Variants in VWDE observed in about 807,000 individuals in gnomAD.
The protein encoded by VWDE is von Willebrand factor D and EGF domain-containing protein.
VWDE carries 207 observed loss-of-function variants against 178.4 expected under a neutral mutation model. That is an observed-to-expected ratio of 1.16 (90% confidence interval 1.04 to 1.30). VWDE has a LOEUF of 1.30. VWDE is among the 50% of genes most tolerant of loss of function. The probability of loss-of-function intolerance (pLI) is 0.00; values close to 1 mark genes in which losing one functional copy is unlikely to be tolerated. For synonymous variants in VWDE, 738 were observed against 651.4 expected (o/e 1.13, Z -2.02); for missense variants, 2,287 against 1,901.3 (o/e 1.20, Z -3.77).
intron 19 of VWDE, among the ~76,000 whole-genome samples, chr7:12,347,737 T>A (rs1781685381): frequency 6.6e-6 from 1 of 152,084 alleles, no homozygotes; most frequent in South Asian, 2.1e-4. Flanking sequence ...AAAGTTCATA[T>A]GGAACCAAAA....
chr7:12,373,228 T>C lies in VWDE; in HGVS notation c.1336A>G (p.Thr446Ala), dbSNP rs1783312369. Reference sequence around the variant, plus strand: ...CTCTTATAAAGCACAAATGTTCCAGTCTTGAAATTATCATATACCCTATCA... The same window carrying C: ...CTCTTATAAAGCACAAATGTTCCAGCCTTGAAATTATCATATACCCTATCA... ...FDGRVYDNFK[T>A]GTFVLYKSMS... Residue 446 changes from threonine (T) to alanine (A), a missense_variant, in exon 10 of 29, where the codon ACT (threonine) becomes GCT (alanine). Transcript: ENST00000275358. 1 of 1,551,006 alleles carries C rather than the reference T, an allele frequency of 6.4e-7. No individual in the cohort carries two copies. The highest frequency in any genetic ancestry group is 2.0e-5 in the Admixed American group (1 of 50,956).
chr7:12,348,704 G>A (rs949281382), intron 19 of VWDE, among the ~76,000 whole-genome samples: 1 of 149,440 alleles, frequency 6.7e-6, no homozygotes, highest in Non-Finnish European at 1.5e-5. Context: ...AATACCATTT[G>A]ACCCAGCCAT....
At chr7:12,370,625 T>C (rs1257581873) in intron 11 of VWDE, 31 bp downstream of exon 11, 4 of 1,545,892 alleles carry the variant, frequency 2.6e-6, no homozygotes, top group African/African-American at 2.7e-5. Context: ...CTAATATTAA[T>C]ATAATCGCAA....
At chr7:12,398,148 G>A (rs1477639809) in intron 1 of VWDE, among the ~76,000 whole-genome samples, 1 of 152,114 alleles carries the variant, frequency 6.6e-6, no homozygotes, top group Non-Finnish European at 1.5e-5. Context: ...GCAAAGACAT[G>A]GAATCAGCCA....
chr7:12,367,422 C>T lies in VWDE; in HGVS notation c.2833G>A (p.Val945Met), dbSNP rs1782922583. The T allele has an allele frequency of 2.6e-6, 4 of 1,546,716 alleles. No homozygotes were observed. The highest frequency in any genetic ancestry group is 2.4e-5 in the South Asian group (2 of 83,436). Reference protein sequence around the residue: ...CDVQKYNCMMVRVFGKGFKEL... With the variant: ...CDVQKYNCMMMRVFGKGFKEL... ...TTGAAGCCTTTGCCAAAAACTCTCA[C>T]CATCATACAATTATATTTTTGAACA... Residue 945 changes from valine (V) to methionine (M), a missense_variant, in exon 13 of 29, where the codon GTG (valine) becomes ATG (methionine). Coordinates refer to ENST00000275358, the MANE Select transcript of VWDE (RefSeq NM_001135924.3).
chr7:12,395,624 A>C (rs1784584397), intron 1 of VWDE, among the ~76,000 whole-genome samples: 2 of 152,046 alleles, frequency 1.3e-5, no homozygotes, highest in East Asian at 3.8e-4. Context: ...CTTTTACTCA[A>C]TATTTATCTT....
chr7:12,344,357 T>C lies in VWDE; in HGVS notation c.3982+17A>G. On this transcript the variant is annotated intron_variant, in intron 20 of 28. Coordinates refer to ENST00000275358, the MANE Select transcript of VWDE (RefSeq NM_001135924.3). ...AAATACAATTTATCATGCAAACTAA[T>C]GAATGATGTTACCTACCAGTTTGGC... 6.4e-7 allele frequency: 1 copy of C among 1,550,564 alleles called. No individual in the cohort carries two copies. Among genetic ancestry groups the C allele is most frequent in the Non-Finnish European group, 8.7e-7 (1 of 1,146,272 alleles).
In VWDE at chr7:12,380,613, A is replaced by G; in HGVS notation, c.662T>C (p.Val221Ala). The G allele has an allele frequency of 4.5e-6, 7 of 1,552,294 alleles. No individual in the cohort carries two copies. Among genetic ancestry groups the G allele is most frequent in the Non-Finnish European group, 6.1e-6 (7 of 1,147,118 alleles). ...SFDVPATKNS[V>A]GFHIAWSRLS... Reference sequence around the variant, plus strand: ...CCTAGACCAAGCTATGTGAAATCCCACTGAGTTTTTTGTAGCGGGAACATC... The same window carrying G: ...CCTAGACCAAGCTATGTGAAATCCCGCTGAGTTTTTTGTAGCGGGAACATC... Residue 221 changes from valine (V) to alanine (A), a missense_variant, in exon 5 of 29, where the codon GTG (valine) becomes GCG (alanine). Transcript: ENST00000275358.
chr7:12,403,613 C>G (rs1282559960), intron 1 of VWDE, 46 bp downstream of exon 1: 9 of 1,519,824 alleles, frequency 5.9e-6, no homozygotes, highest in Non-Finnish European at 7.1e-6. Context: ...CTACCGCCCA[C>G]GCGGCGCCAC....
intron 12 of VWDE, among the ~76,000 whole-genome samples, chr7:12,367,793 A>G (rs1357909079): frequency 6.6e-6 from 1 of 152,158 alleles, no homozygotes; most frequent in Non-Finnish European, 1.5e-5. Flanking sequence ...AATTACCACT[A>G]CAATAAAGTA....
At chr7:12,337,593 A>G (rs985590471) in intron 24 of VWDE, among the ~76,000 whole-genome samples, 1 of 152,210 alleles carries the variant, frequency 6.6e-6, no homozygotes, top group African/African-American at 2.4e-5. Flanking sequence ...CAAAACCCAG[A>G]AAATAAGTCA....
chr7:12,378,207 G>C (rs1433116519), intron 6 of VWDE, among the ~76,000 whole-genome samples: 1 of 152,142 alleles, frequency 6.6e-6, no homozygotes, highest in Non-Finnish European at 1.5e-5. Flanking sequence ...GTTCTGTGGT[G>C]AGCACTGGAA....
chr7:12,367,977 C>A lies in VWDE; in HGVS notation c.2762-484G>T, dbSNP rs371627224. On this transcript the variant is annotated intron_variant, in intron 12 of 28. Transcript: ENST00000275358. ...TATGCAGTGTGTAAAAATTATTAAA[C>A]CCCTTGCCTAACTACTGGGAAAACC... is the stretch of plus-strand genomic sequence containing the variant. 1.1e-4 allele frequency among the ~76,000 whole-genome samples: 17 copies of A among 151,898 alleles called. No individual in the cohort carries two copies. In the East Asian group the frequency reaches 2.9e-3, roughly 26 times the overall value.
intron 19 of VWDE, among the ~76,000 whole-genome samples, chr7:12,351,287 A>G (rs1035599321): frequency 5.3e-5 from 8 of 152,162 alleles, no homozygotes; most frequent in African/African-American, 1.9e-4. Flanking sequence ...GTTTCCAGGG[A>G]TTTATAAAAT....
At position 12,331,040 on chromosome 7, in the gene VWDE, A is replaced by T; in HGVS notation, c.*143T>A. On this transcript the variant is annotated 3_prime_UTR_variant, in exon 29 of 29. Transcript: ENST00000275358. ...TTTCTCTATGATTACAACAGAGATC[A>T]TTATGTATTTTATTAGTTTCTTCAG... 1 of 618,198 alleles carries T rather than the reference A, an allele frequency of 1.6e-6. No individual in the cohort carries two copies. Among genetic ancestry groups the T allele is most frequent in the Non-Finnish European group, 2.7e-6 (1 of 366,844 alleles). The allele number at this position is 618,198 out of a possible 1,614,324, so 38.3% of individuals were successfully genotyped here.
chr7:12,394,660 G>A (rs1014012149), intron 1 of VWDE, among the ~76,000 whole-genome samples: 2 of 152,202 alleles, frequency 1.3e-5, no homozygotes, highest in East Asian at 3.9e-4. Context: ...GGAACTGTCT[G>A]TATTTGAATA....
At chr7:12,367,530 A>T (rs1782929736) in intron 12 of VWDE, 37 bp from the exon 13 acceptor site, 2 of 1,416,612 alleles carry the variant, frequency 1.4e-6, no homozygotes, top group Non-Finnish European at 1.9e-6. Flanking sequence ...TACATATTTT[A>T]CTTAATTTCA....
At chr7:12,390,560 A>T (rs187379698) in intron 2 of VWDE, among the ~76,000 whole-genome samples, 5 of 151,836 alleles carry the variant, frequency 3.3e-5, no homozygotes, top group Non-Finnish European at 7.4e-5. Flanking sequence ...AATTTTTAAA[A>T]TATAAAAGTT....
intron 12 of VWDE, among the ~76,000 whole-genome samples, chr7:12,368,611 G>A (rs987821722): frequency 2.0e-5 from 3 of 152,110 alleles, no homozygotes; most frequent in Non-Finnish European, 4.4e-5. Flanking sequence ...ACTACCTAGG[G>A]TCTTCTACGC....
Sources: allele counts gnomAD v4.1 joint callset (sites outside exome capture counted in the v4.1 genomes callset), GRCh38; gene constraint gnomAD v4.1.1; transcripts MANE v1.5; gene names NCBI Gene and HGNC (gene_info 2026-07-23, HGNC 2026-07-21).